CADM2: variants seen among roughly 807,000 people sequenced by gnomAD.
CADM2 encodes cell adhesion molecule 2, also known as immunoglobulin superfamily member 4D.
CADM2 carries 12 observed loss-of-function variants against 49.8 expected under a neutral mutation model. That is an observed-to-expected ratio of 0.24 (90% confidence interval 0.15 to 0.39). CADM2 has a LOEUF of 0.39. Ranked by LOEUF, CADM2 falls within the 10% of genes least tolerant of loss-of-function variation. The pLI, the probability that CADM2 is intolerant of heterozygous loss-of-function variation, is 1.00. For missense variants in CADM2, 378 were observed against 492.3 expected (o/e 0.77, Z 2.20); for synonymous variants, 214 against 175.4 (o/e 1.22, Z -1.74).
At chr3:85,005,132 G>T (rs2033660492) in intron 1 of CADM2, among the ~76,000 whole-genome samples, 1 of 152,074 alleles carries the variant, frequency 6.6e-6, no homozygotes, top group Non-Finnish European at 1.5e-5. Context: ...CATCTAACTT[G>T]TACCACTCTC....
chr3:85,671,851 C>T (rs1036435761), intron 1 of CADM2, among the ~76,000 whole-genome samples: 1 of 151,976 alleles, frequency 6.6e-6, no homozygotes, highest in African/African-American at 2.4e-5. Flanking sequence ...TTCTCTGTCC[C>T]CTAGTATTTC....
intron 3 of CADM2, among the ~76,000 whole-genome samples, chr3:85,835,314 C>CTTT (rs60077347): frequency 7.5e-6 from 1 of 132,640 alleles, no homozygotes. Flanking sequence ...GTTTTAGCTT[C>CTTT]TTTTTTTTTT....
intron 2 of CADM2, among the ~76,000 whole-genome samples, chr3:85,791,447 TCTAA>T (rs1302051239): frequency 1.3e-5 from 2 of 151,600 alleles, no homozygotes; most frequent in Non-Finnish European, 2.9e-5. Context: ...TCTTGAACTT[TCTAA>T]GACACAGGTT....
chr3:85,377,801 G>A (rs2033679702), intron 1 of CADM2, among the ~76,000 whole-genome samples: 1 of 152,042 alleles, frequency 6.6e-6, no homozygotes, highest in Non-Finnish European at 1.5e-5. Context: ...ACACTTGAAT[G>A]ACACTAGTCT....
At chr3:86,004,266 G>T (rs1472139031) in intron 8 of CADM2, among the ~76,000 whole-genome samples, 2 of 152,158 alleles carry the variant, frequency 1.3e-5, no homozygotes, top group Non-Finnish European at 2.9e-5. Flanking sequence ...TGAGGTACTT[G>T]TGTTTAGTCA....
chr3:85,209,992 G>T (rs2041739697), intron 1 of CADM2, among the ~76,000 whole-genome samples: 1 of 152,082 alleles, frequency 6.6e-6, no homozygotes, highest in African/African-American at 2.4e-5. Flanking sequence ...TACCTCCAAA[G>T]GTCATGGAAA....
chr3:85,621,133 C>T (rs2063963558), intron 1 of CADM2, among the ~76,000 whole-genome samples: 1 of 152,066 alleles, frequency 6.6e-6, no homozygotes, highest in Non-Finnish European at 1.5e-5. Flanking sequence ...TCTGTTCTAA[C>T]AAAGACGCAC....
intron 7 of CADM2, among the ~76,000 whole-genome samples, chr3:85,946,532 A>G (rs543825121): frequency 6.6e-5 from 10 of 151,956 alleles, no homozygotes; most frequent in East Asian, 5.8e-4. Context: ...TATACTACAA[A>G]GCTACAGTAA....
At chr3:85,339,294 A>G (rs1232370213) in intron 1 of CADM2, among the ~76,000 whole-genome samples, 1 of 151,568 alleles carries the variant, frequency 6.6e-6, no homozygotes. Flanking sequence ...AAGTATCACT[A>G]AGAACCCAGC....
In CADM2 at chr3:85,327,332, T is replaced by C. The variant is rs530374661; in HGVS notation, c.61+367664T>C. 2.2e-4 allele frequency among the ~76,000 whole-genome samples: 33 copies of C among 152,170 alleles called. No individual in the cohort carries two copies. In the East Asian group the frequency reaches 6.4e-3, roughly 29 times the overall value. On this transcript the variant is annotated intron_variant, in intron 1 of 9. Coordinates refer to ENST00000383699, the MANE Select transcript of CADM2 (RefSeq NM_001167675.2). ...GTGCAGTGTCACAATCCCAGCTCAC[T>C]GCAACCTCCACCTCCCGAGTTCAAG...
intron 7 of CADM2, among the ~76,000 whole-genome samples, chr3:85,951,786 T>A (rs1559762402): frequency 6.6e-6 from 1 of 151,018 alleles, no homozygotes; most frequent in African/African-American, 2.4e-5. Flanking sequence ...TCATTTACCT[T>A]CTCCTTTTTC....
Position 85,279,028 on chromosome 3 carries a change from A to G in CADM2, c.61+319360A>G, listed in dbSNP as rs1357247809. On this transcript the variant is annotated intron_variant, in intron 1 of 9. Coordinates refer to ENST00000383699, the MANE Select transcript of CADM2 (RefSeq NM_001167675.2). ...TAGCTTATTAATAAATAATTATAAG[A>G]CAATCCTTCAATAAAAGAGAGATGC... is the stretch of plus-strand genomic sequence containing the variant. Among the ~76,000 whole-genome samples, 9 of 151,464 alleles carry G rather than the reference A, an allele frequency of 5.9e-5. No individual in the cohort carries two copies. In the Admixed American group the frequency reaches 6.0e-4, roughly 10 times the overall value.
In CADM2 at chr3:84,959,373, G is replaced by A; in HGVS notation, c.-235G>A. ...ACGGGCTGTCGCGGCTGCACCACCA[G>A]CAGGAGGAGGAGGAGAAGAAACTAT... On this transcript the variant is annotated 5_prime_UTR_variant, in exon 1 of 10. Coordinates refer to ENST00000383699, the MANE Select transcript of CADM2 (RefSeq NM_001167675.2). The A allele has an allele frequency of 3.5e-6, 2 of 570,368 alleles. No homozygotes were observed. The highest frequency in any genetic ancestry group is 6.2e-6 in the Non-Finnish European group (2 of 320,794). 35.3% of individuals were successfully genotyped at this position (570,368 alleles called of 1,614,324 possible).
chr3:85,199,474 T>G (rs1054830650), intron 1 of CADM2, among the ~76,000 whole-genome samples: 2 of 148,100 alleles, frequency 1.4e-5, no homozygotes, highest in South Asian at 2.1e-4. Context: ...AATTTCAAAA[T>G]TTTTTTTTTT....
intron 6 of CADM2, among the ~76,000 whole-genome samples, chr3:85,925,866 A>C (rs576034051): frequency 5.9e-5 from 9 of 152,114 alleles, no homozygotes; most frequent in Admixed American, 4.6e-4. Context: ...GGCCGGGCAC[A>C]GTGGCTCACG....
At chr3:85,074,384 T>C (rs72903381) in intron 1 of CADM2, among the ~76,000 whole-genome samples, 12,070 of 152,130 alleles carry the variant, frequency 0.079, 1,577 homozygotes, top group African/African-American at 0.27. Context: ...TCTACCTTTA[T>C]CCTGTTCTTA....
At chr3:85,019,412 G>A (rs1448817306) in intron 1 of CADM2, among the ~76,000 whole-genome samples, 1 of 152,130 alleles carries the variant, frequency 6.6e-6, no homozygotes, top group Non-Finnish European at 1.5e-5. Flanking sequence ...GAGCCCAGGA[G>A]GTCGAGGCTG....
chr3:85,048,481 T>C (rs929051335), intron 1 of CADM2, among the ~76,000 whole-genome samples: 3 of 152,074 alleles, frequency 2.0e-5, no homozygotes, highest in Non-Finnish European at 4.4e-5. Flanking sequence ...CAAGAAAGAC[T>C]GTTGAGGCAG....
chr3:85,203,583 C>T (rs2041561799), intron 1 of CADM2, among the ~76,000 whole-genome samples: 1 of 151,992 alleles, frequency 6.6e-6, no homozygotes, highest in African/African-American at 2.4e-5. Context: ...TGAAAAAATA[C>T]CGAATTGGGA....
Sources: gnomAD v4.1 joint callset for allele counts (sites outside exome capture counted in the v4.1 genomes callset) on GRCh38, gnomAD v4.1.1 for gene constraint, MANE v1.5 for transcripts, NCBI Gene and HGNC (gene_info 2026-07-23, HGNC 2026-07-21) for gene names.